Variants in URB1 observed in about 807,000 individuals in gnomAD.
The protein encoded by URB1 is URB1 ribosome biogenesis factor.
In URB1, 197 loss-of-function variants were observed where a neutral mutation model predicts 242.3. That is an observed-to-expected ratio of 0.81 (90% CI 0.72 to 0.91). The LOEUF (loss-of-function observed/expected upper bound fraction) is 0.91, where lower values mean the gene tolerates loss of function less well. Ranked by LOEUF, URB1 falls within the 40% of genes least tolerant of loss-of-function variation. The pLI is 0.00. For synonymous variants in URB1, 1,153 were observed against 1,201.8 expected (o/e 0.96, Z 0.84); for missense variants, 2,721 against 2,860.5 (o/e 0.95, Z 1.11).
At position 32,315,043 on chromosome 21, in the gene URB1, G is replaced by A. The variant is rs114304483; in HGVS notation, c.6691C>T (p.Arg2231Trp). 522 of 1,550,164 alleles carry A rather than the reference G, an allele frequency of 3.4e-4. 3 individuals are homozygous for A. The African/African-American group carries it at 6.3e-3, about 19-fold the overall frequency. The change falls in exon 39 of 39, where the codon CGG (arginine) becomes TGG (tryptophan). Residue 2231 changes from arginine to tryptophan, a missense_variant. By Grantham distance (101) the Arg-to-Trp change is moderately radical. Transcript: ENST00000382751. The stretch of plus-strand genomic sequence containing the variant: ...ACGTGGGTTAAGAGGGTGTCCGGCC[G>A]CTGAGCCCCCAGCCAGATGTCCTTT... Reference protein sequence around the residue: ...YIKDIWLGAQRPDTLLTHVRM... With the variant: ...YIKDIWLGAQWPDTLLTHVRM...
At chr21:32,389,163 A>G (rs2033613451) in intron 1 of URB1, among the ~76,000 whole-genome samples, 1 of 152,152 alleles carries the variant, frequency 6.6e-6, no homozygotes, top group Non-Finnish European at 1.5e-5. Context: ...ACCTATTATT[A>G]ATAATAGTAA....
intron 1 of URB1, among the ~76,000 whole-genome samples, chr21:32,388,307 C>T (rs190816872): frequency 5.3e-5 from 8 of 152,290 alleles, no homozygotes; most frequent in Admixed American, 5.2e-4. Flanking sequence ...GGCTAATTTA[C>T]ACATAAAGCA....
chr21:32,316,540 G>GC lies in URB1; in HGVS notation c.6559dup (p.Ala2187GlyfsTer19). 1 of 1,550,840 alleles carries GC rather than the reference G, an allele frequency of 6.4e-7. No individual in the cohort carries two copies. The highest frequency in any genetic ancestry group is 1.2e-5 in the South Asian group (1 of 83,986). ...CATGGCCGGGTGGAAGGGGCTCCCT[G>GC]CCCGGCCCTGGGCAGCCACCAGCTG... On this transcript the variant is annotated frameshift_variant, in exon 38 of 39. Coordinates refer to ENST00000382751, the MANE Select transcript of URB1 (RefSeq NM_014825.3). LOFTEE classifies it high-confidence loss of function.
intron 16 of URB1, 117 bp from the exon 17 acceptor site, chr21:32,355,114 G>T: frequency 7.8e-7 from 1 of 1,288,204 alleles, no homozygotes. Flanking sequence ...TCCTTAATTA[G>T]AATAGTTTTA....
chr21:32,391,486 G>A (rs1343268192), intron 1 of URB1, among the ~76,000 whole-genome samples: 3 of 152,060 alleles, frequency 2.0e-5, no homozygotes, highest in African/African-American at 4.8e-5. Flanking sequence ...TGGAAAACTC[G>A]TGCTTGAAAC....
intron 28 of URB1, among the ~76,000 whole-genome samples, chr21:32,336,089 A>G (rs1030320480): frequency 6.6e-6 from 1 of 152,168 alleles, no homozygotes; most frequent in African/African-American, 2.4e-5. Context: ...TCCAGAAAGG[A>G]CATAACTGAC....
chr21:32,337,049 A>G, intron 28 of URB1, 45 bp downstream of exon 28: 1 of 1,525,980 alleles, frequency 6.6e-7, no homozygotes, highest in Non-Finnish European at 8.9e-7. Context: ...TGTGGAGAGC[A>G]GGCTGTGACC....
chr21:32,380,394 T>C (rs1243842818), intron 4 of URB1, among the ~76,000 whole-genome samples: 1 of 152,206 alleles, frequency 6.6e-6, no homozygotes, highest in African/African-American at 2.4e-5. Flanking sequence ...CTTCAAACTA[T>C]CCTCTCTGTT....
chr21:32,391,030 T>C (rs953675479), intron 1 of URB1, among the ~76,000 whole-genome samples: 2 of 152,164 alleles, frequency 1.3e-5, no homozygotes, highest in African/African-American at 4.8e-5. Context: ...TGGAATACTA[T>C]GCAGCCATAA....
At chr21:32,361,227 T>G in intron 12 of URB1, 104 bp from the exon 13 acceptor site, 5 of 549,434 alleles carry the variant, frequency 9.1e-6, no homozygotes, top group Non-Finnish European at 1.0e-5. Flanking sequence ...TTAGAAAACA[T>G]ACTGGTTCTT....
rs550766575 is a variant in URB1, at chr21:32,378,630, C to T, written c.568-89G>A. The T allele has an allele frequency of 2.1e-4, 214 of 1,027,530 alleles. 2 individuals carry two copies. In the South Asian group the frequency reaches 2.6e-3, roughly 12 times the overall value. The allele number at this position is 1,027,530 out of a possible 1,614,324, so 63.7% of individuals were successfully genotyped here. ...ACACAGTGGCCAAGCACACCCCTCC[C>T]GTCTCAACATCACCAGCCCCCCAGC... On this transcript the variant is annotated intron_variant, in intron 4 of 38. Transcript: ENST00000382751.
intron 29 of URB1, 52 bp downstream of exon 29, chr21:32,334,111 C>T (rs1284655233): frequency 2.0e-6 from 3 of 1,477,364 alleles, no homozygotes; most frequent in Non-Finnish European, 2.7e-6. Flanking sequence ...CAGATGGAGC[C>T]CCTGAGGCTG....
At position 32,345,373 on chromosome 21, in the gene URB1, C is replaced by CGA. The variant is rs150849575; in HGVS notation, c.4070_4070+1insTC (p.Arg1357SerfsTer32). On this transcript the variant is annotated frameshift_variant and splice_region_variant. Transcript: ENST00000382751. LOFTEE classifies it high-confidence loss of function. The stretch of plus-strand genomic sequence containing the variant: ...CCTGCAACCAACCTGAGCCTTCATA[C>CGA]CTCTTGTGACTGCTTGGGGTGTGAA... The CGA allele has an allele frequency of 3.0e-5, 47 of 1,551,098 alleles. No individual in the cohort carries two copies. In the African/African-American group the frequency reaches 5.9e-4, roughly 19 times the overall value.
rs150117022 is a variant in URB1 at position 32,321,022 on chromosome 21, G to GT, written c.5485-383dup. Reference sequence around the variant, plus strand: ...CGCCAGCCACGAGCCATGCGGCCCTGTGTTTACCACCTGGAAGGGAGGACA... The same window carrying GT: ...CGCCAGCCACGAGCCATGCGGCCCTGTTGTTTACCACCTGGAAGGGAGGACA... On this transcript the variant is annotated intron_variant, in intron 34 of 38. Coordinates refer to ENST00000382751, the MANE Select transcript of URB1 (RefSeq NM_014825.3). Among the ~76,000 whole-genome samples the GT allele has an allele frequency of 5.9e-3, 906 of 152,364 alleles. 9 individuals carry two copies. The highest frequency in any genetic ancestry group is 0.021 in the African/African-American group (877 of 41,588).
intron 1 of URB1, among the ~76,000 whole-genome samples, chr21:32,391,543 CTGTT>C (rs1436410139): frequency 2.6e-5 from 4 of 152,182 alleles, no homozygotes; most frequent in African/African-American, 9.7e-5. Context: ...CCCCACTCGA[CTGTT>C]TGTAAACCCC....
At chr21:32,381,179 C>T (rs1244882868) in intron 4 of URB1, among the ~76,000 whole-genome samples, 1 of 152,188 alleles carries the variant, frequency 6.6e-6, no homozygotes. Context: ...TGCAAGTGGA[C>T]CACATGCCTG....
chr21:32,347,754 G>A lies in URB1; in HGVS notation c.3070C>T (p.Leu1024=), dbSNP rs1443810676. 1.3e-6 allele frequency: 2 copies of A among 1,549,216 alleles called. No individual in the cohort carries two copies. Among genetic ancestry groups the A allele is most frequent in the Admixed American group, 2.0e-5 (1 of 50,986 alleles). Residue 1024 remains leucine (L), a synonymous_variant, in exon 22 of 39, where the codon CTG becomes TTG. Transcript: ENST00000382751. ...GGGAGGGCCTGCTGCTCCAGGGCCA[G>A]GAACCAGCCCTCCAGGGTGGGGTGC... ...LRHPTLEGWF[L]ALEQQALPPH...
intron 4 of URB1, 56 bp downstream of exon 4, chr21:32,383,366 C>A: frequency 6.6e-7 from 1 of 1,509,606 alleles, no homozygotes; most frequent in South Asian, 1.3e-5. Context: ...AAAACCACTA[C>A]AGTCCTCCAA....
chr21:32,334,493 A>G (rs1245306519), intron 28 of URB1, among the ~76,000 whole-genome samples, 159 bp from the exon 29 acceptor site: 2 of 152,136 alleles, frequency 1.3e-5, no homozygotes, highest in African/African-American at 4.8e-5. Context: ...ATCACAGCTT[A>G]CGAAGTGGGT....
Sources: gnomAD v4.1 joint callset for allele counts (sites outside exome capture counted in the v4.1 genomes callset) on GRCh38, gnomAD v4.1.1 for gene constraint, MANE v1.5 for transcripts, NCBI Gene and HGNC (gene_info 2026-07-23, HGNC 2026-07-21) for gene names.